The following GATA6 variants were observed in gnomAD, a reference collection of about 807,000 sequenced individuals.
GATA6 encodes GATA binding protein 6.
In GATA6, 11 loss-of-function variants were observed where a neutral mutation model predicts 48.1. That is an observed-to-expected ratio of 0.23 (90% confidence interval 0.14 to 0.38). The LOEUF is 0.38. Ranked by LOEUF, GATA6 falls within the 10% of genes least tolerant of loss-of-function variation. GATA6 has a pLI of 1.00. For synonymous variants in GATA6, 419 were observed against 396.1 expected (o/e 1.06, Z -0.69); for missense variants, 795 against 850.3 (o/e 0.93, Z 0.81).
At chr18:22,194,940 C>T (rs1347741792) in intron 6 of GATA6, among the ~76,000 whole-genome samples, 1 of 152,010 alleles carries the variant, frequency 6.6e-6, no homozygotes, top group African/African-American at 2.4e-5. Context: ...TCGAGGCAGG[C>T]GGATCACTTG....
At chr18:22,196,104 C>A (rs1442305781) in intron 6 of GATA6, among the ~76,000 whole-genome samples, 2 of 152,220 alleles carry the variant, frequency 1.3e-5, no homozygotes, top group African/African-American at 2.4e-5. Context: ...ATGTAAGTAA[C>A]ATCAGCCTTT....
Position 22,202,299 on chromosome 18 carries a change from CTTTGTGAA to C in GATA6, c.*1478_*1485del, listed in dbSNP as rs1350938372. On this transcript the variant is annotated 3_prime_UTR_variant, in exon 7 of 7. Transcript: ENST00000269216. ...ATTCCAGAAAGTTCAGATTTTTTTT[CTTTGTGAA>C]TGAAATATATTCTGGCCCACGAACA... 6.6e-6 allele frequency: 1 copy of C among 151,950 alleles called. No homozygotes were observed. The highest frequency in any genetic ancestry group is 2.4e-5 in the African/African-American group (1 of 41,394). The allele number at this position is 151,950 out of a possible 1,614,324, so 9.4% of individuals were successfully genotyped here.
intron 6 of GATA6, among the ~76,000 whole-genome samples, chr18:22,195,619 T>C (rs1191040677): frequency 6.6e-6 from 1 of 152,218 alleles, no homozygotes; most frequent in Non-Finnish European, 1.5e-5. Context: ...GACTTGGCCC[T>C]CTCAGCTAGT....
chr18:22,187,309 C>T (rs8093082), intron 6 of GATA6, among the ~76,000 whole-genome samples: 6,041 of 151,968 alleles, frequency 0.04, 384 homozygotes, highest in African/African-American at 0.13. Context: ...GGAGAAACCC[C>T]GTCTCTACTA....
In GATA6 at chr18:22,171,242, C is replaced by A; in HGVS notation, c.98C>A (p.Ser33Tyr). 6.3e-7 allele frequency: 1 copy of A among 1,598,962 alleles called. No homozygotes were observed. The highest frequency in any genetic ancestry group is 8.5e-7 in the Non-Finnish European group (1 of 1,179,132). ...AGAGCCTTTCCAGCGCGGGAGCCCT[C>A]CACGCCGCCTTCCCCCATCTCTTCC... The part of the protein sequence containing the change: ...DSRAFPAREP[S>Y]TPPSPISSSS... The change falls in exon 2 of 7, where the codon TCC (serine) becomes TAC (tyrosine). Residue 33 changes from serine (S) to tyrosine (Y), a missense_variant. Ser to Tyr is a moderately radical substitution (Grantham distance 144). Around this residue, in one of 5 missense-constraint regions of GATA6, gnomAD observed 591 missense variants for 570.0 expected, o/e 1.04. Transcript: ENST00000269216. This position sits in a 1 kb window ranked among gnomAD's most constrained non-coding sequence, Gnocchi z 7.1.
Position 22,172,311 on chromosome 18 carries a change from G to A in GATA6, c.1135+32G>A, listed in dbSNP as rs1452902831. 5 of 1,526,416 alleles carry A rather than the reference G, an allele frequency of 3.3e-6. No individual in the cohort carries two copies. The South Asian group carries it at 6.0e-5, about 18-fold the overall frequency. The allele number at this position is 1,526,416 out of a possible 1,614,324, so 94.6% of individuals were successfully genotyped here. On this transcript the variant is annotated intron_variant, in intron 2 of 6. Transcript: ENST00000269216. The surrounding 1 kb of genome is among the most constrained non-coding windows in gnomAD (Gnocchi z 5.2). ...GTCGCGCCTCAGGTTCGGGGTGCGGGTCCAAAGCGCTGGGGCGCACGGGGG... is the reference window on the plus strand; with the variant it reads ...GTCGCGCCTCAGGTTCGGGGTGCGGATCCAAAGCGCTGGGGCGCACGGGGG...
At position 22,171,894 on chromosome 18, in the gene GATA6, C is replaced by A. The variant is rs1024528816; in HGVS notation, c.750C>A (p.Gly250=). The A allele has an allele frequency of 7.7e-5, 89 of 1,154,314 alleles. No homozygotes were observed. The African/African-American group carries it at 1.3e-3, about 17-fold the overall frequency. 71.5% of individuals were successfully genotyped at this position (1,154,314 alleles called of 1,614,324 possible). The change falls in exon 2 of 7, where the codon GGC becomes GGA. Residue 250 remains glycine, a synonymous_variant. Transcript: ENST00000269216. The surrounding 1 kb of genome is among the most constrained non-coding windows in gnomAD (Gnocchi z 7.1). ...CTGGCGGCGGGGCCGCGGGGCCTGG[C>A]GGCGCTGGCTCAGCCGCGGCGCACG... ...GAAGGGAAGP[G]GAGSAAAHVS...
intron 3 of GATA6, 30 bp from the exon 4 acceptor site, chr18:22,181,423 T>C (rs188818286): frequency 3.1e-6 from 5 of 1,613,430 alleles, no homozygotes. Flanking sequence ...CACTTATATT[T>C]TTCCACTTAT....
intron 6 of GATA6, among the ~76,000 whole-genome samples, chr18:22,189,244 T>C (rs1403560610): frequency 6.6e-6 from 1 of 152,228 alleles, no homozygotes; most frequent in Non-Finnish European, 1.5e-5. Context: ...AGCAGTGATC[T>C]AGAGACTGAC....
intron 2 of GATA6, chr18:22,176,689 C>A (rs1023442444): frequency 7.3e-6 from 3 of 411,224 alleles, no homozygotes; most frequent in South Asian, 2.8e-5. Context: ...CGGACTCTGA[C>A]GTCCTCTGCT....
At chr18:22,180,669 A>G (rs2033181166) in intron 3 of GATA6, among the ~76,000 whole-genome samples, 1 of 151,398 alleles carries the variant, frequency 6.6e-6, no homozygotes, top group South Asian at 2.1e-4. Flanking sequence ...ATGTATTCAA[A>G]TATATTTCTT....
Position 22,186,496 on chromosome 18 carries a change from G to A in GATA6, c.1620+3453G>A, listed in dbSNP as rs563798256. Among the ~76,000 whole-genome samples, 27 of 152,282 alleles carry A rather than the reference G, an allele frequency of 1.8e-4. No individual in the cohort carries two copies. In the South Asian group the frequency reaches 5.4e-3, roughly 30 times the overall value. On this transcript the variant is annotated intron_variant, in intron 6 of 6. Transcript: ENST00000269216. ...CCAGCAGGCTTATTGTAAGTCCTGG[G>A]ACATGACAGGAACAGGGTTCTGACC...
chr18:22,202,000 T>G lies in GATA6; in HGVS notation c.*1177T>G, dbSNP rs1256734794. The G allele has an allele frequency of 6.6e-6, 1 of 152,194 alleles. No individual in the cohort carries two copies. Among genetic ancestry groups the G allele is most frequent in the Non-Finnish European group, 1.5e-5 (1 of 68,030 alleles). The allele number at this position is 152,194 out of a possible 1,614,324, so 9.4% of individuals were successfully genotyped here. A position where few individuals can be genotyped will look rare whatever the true frequency, so the allele number is the denominator to read the frequency against. On this transcript the variant is annotated 3_prime_UTR_variant, in exon 7 of 7. Transcript: ENST00000269216. ...CTTCTGTACAGTGAGTTCCTTCCCT[T>G]TTCAAAGCTTTCTTTTTATGCTGTA...
In GATA6 at chr18:22,170,617, G is replaced by T. The variant is rs112106745; in HGVS notation, c.-37-491G>T. 4.6e-5 allele frequency among the ~76,000 whole-genome samples: 7 copies of T among 152,230 alleles called. No homozygotes were observed. Among genetic ancestry groups the T allele is most frequent in the African/African-American group, 1.4e-4 (6 of 41,468 alleles). On this transcript the variant is annotated intron_variant, in intron 1 of 6. Coordinates refer to ENST00000269216, the MANE Select transcript of GATA6 (RefSeq NM_005257.6). The surrounding 1 kb of genome is among the most constrained non-coding windows in gnomAD (Gnocchi z 6.7). ...CCTTCCTTACGCGAAGGGTTTTCCC[G>T]TGGGGAACCCTCACCCCGAGGCATT...
chr18:22,187,630 T>G (rs1326130512), intron 6 of GATA6, among the ~76,000 whole-genome samples: 3 of 152,162 alleles, frequency 2.0e-5, no homozygotes, highest in Non-Finnish European at 4.4e-5. Flanking sequence ...CATGGTAATG[T>G]TCTGTTTCTG....
intron 3 of GATA6, 108 bp downstream of exon 3, chr18:22,177,229 C>G: frequency 9.5e-7 from 1 of 1,049,960 alleles, no homozygotes. Flanking sequence ...TCCCAGGGGA[C>G]AGGTGCGGCC....
In GATA6 at chr18:22,200,941, T is replaced by G; in HGVS notation, c.*118T>G. The stretch of plus-strand genomic sequence containing the variant: ...GCTGACAGAACGTGATTCTCGTGCC[T>G]TTATTTTGAAAGAGATGTTTTTCCC... On this transcript the variant is annotated 3_prime_UTR_variant, in exon 7 of 7. Coordinates refer to ENST00000269216, the MANE Select transcript of GATA6 (RefSeq NM_005257.6). 1 of 1,115,560 alleles carries G rather than the reference T, an allele frequency of 9.0e-7. No homozygotes were observed. Among genetic ancestry groups the G allele is most frequent in the South Asian group, 1.5e-5 (1 of 66,134 alleles). The allele number at this position is 1,115,560 out of a possible 1,614,324, so 69.1% of individuals were successfully genotyped here. A position where few individuals can be genotyped will look rare whatever the true frequency, so the allele number is the denominator to read the frequency against.
chr18:22,199,913 AAAAAAAAAAAG>A, intron 6 of GATA6, among the ~76,000 whole-genome samples: 1 of 151,708 alleles, frequency 6.6e-6, no homozygotes, highest in African/African-American at 2.4e-5. Flanking sequence ...AAAAAAAAAA[AAAAAAAAAAAG>A]AAAGAAATCA....
chr18:22,187,184 A>G (rs930491674), intron 6 of GATA6, among the ~76,000 whole-genome samples: 2 of 152,234 alleles, frequency 1.3e-5, no homozygotes, highest in African/African-American at 4.8e-5. Context: ...CTAAATAGAT[A>G]TCAGTTTTTC....
Sources: gnomAD v4.1 joint callset for allele counts (sites outside exome capture counted in the v4.1 genomes callset) on GRCh38, gnomAD v4.1.1 for gene constraint, gnomAD v4.1.1 regional missense constraint, Gnocchi (gnomAD v3.1) non-coding constraint, MANE v1.5 for transcripts, NCBI Gene and HGNC (gene_info 2026-07-23, HGNC 2026-07-21) for gene names.